DMD: variants seen among roughly 807,000 people sequenced by gnomAD.
DMD encodes the protein mutant dystrophin.
Under a neutral mutation model 330.1 loss-of-function variants are expected in DMD, and 63 were observed. The ratio of observed to expected loss-of-function variants is 0.19; its 90% CI spans 0.16 to 0.24. The LOEUF (loss-of-function observed/expected upper bound fraction) is 0.24. Ranked by LOEUF, DMD falls within the 10% of genes least tolerant of loss-of-function variation. DMD has a pLI of 1.00. For missense variants in DMD, 3,344 were observed against 2,684.1 expected, an observed-to-expected ratio of 1.25 and a Z score of -5.43; for synonymous variants, 1,223 against 959.8, an observed-to-expected ratio of 1.27 and a Z score of -5.07.
intron 27 of DMD, among the ~76,000 whole-genome samples, chrX:32,447,752 T>A (rs1474206967): frequency 1.8e-5 from 2 of 111,830 alleles, no homozygotes; most frequent in Non-Finnish European, 3.8e-5. Context: ...TGGATAAAGT[T>A]TTGTGCCCCT....
chrX:33,155,419 G>A (rs1289572310), intron 1 of DMD, among the ~76,000 whole-genome samples: 3 of 108,853 alleles, frequency 2.8e-5, no homozygotes, highest in Non-Finnish European at 1.9e-5. Context: ...AGATTCAAGC[G>A]ATTCTCCTGC....
Position 31,658,046 on chromosome X carries a change from T to C in DMD, c.7971A>G (p.Arg2657=). Residue 2657 remains arginine, a synonymous_variant, in exon 54 of 79, where the codon AGA becomes AGG. Transcript: ENST00000357033. ...TATTCTCTGTTATCATGTGGACTTT[T>C]CTGGTATCATCTGCAGAATAATCCC... ...LLRDYSADDT[R]KVHMITENIN... 1.7e-6 allele frequency: 2 copies of C among 1,210,841 alleles called. No homozygotes were observed. Among genetic ancestry groups the C allele is most frequent in the Non-Finnish European group, 2.2e-6 (2 of 894,548 alleles).
chrX:32,733,221 A>AAT (rs1198303492), intron 7 of DMD, among the ~76,000 whole-genome samples: 1 of 111,463 alleles, frequency 9.0e-6, no homozygotes, highest in Non-Finnish European at 1.9e-5. Context: ...AACTATCCTA[A>AAT]ATATATATGC....
chrX:31,406,753 C>T (rs187270661), intron 60 of DMD, among the ~76,000 whole-genome samples: 231 of 111,320 alleles, frequency 2.1e-3, no homozygotes, highest in Middle Eastern at 4.6e-3. Context: ...AGAATTGGAT[C>T]TGTCCAATTG....
intron 13 of DMD, among the ~76,000 whole-genome samples, chrX:32,593,687 A>T (rs997229156): frequency 4.5e-5 from 5 of 112,219 alleles, no homozygotes; most frequent in Non-Finnish European, 9.4e-5. Context: ...CATAACGAGT[A>T]CTTGTTGAAA....
intron 2 of DMD, among the ~76,000 whole-genome samples, chrX:32,975,215 C>A (rs1326980182): frequency 1.8e-5 from 2 of 110,500 alleles, no homozygotes; most frequent in African/African-American, 6.6e-5. Flanking sequence ...CCAATAAACC[C>A]AGCAAAGAAA....
At chrX:31,657,068 C>T (rs1026484333) in intron 54 of DMD, among the ~76,000 whole-genome samples, 1 of 111,924 alleles carries the variant, frequency 8.9e-6, no homozygotes, top group Admixed American at 9.5e-5. Context: ...GTTTTGGCCC[C>T]AGTGGTGACT....
chrX:32,886,607 C>A (rs916346000), intron 2 of DMD, among the ~76,000 whole-genome samples: 1 of 110,218 alleles, frequency 9.1e-6, no homozygotes, highest in Non-Finnish European at 1.9e-5. Flanking sequence ...GGCGTGAACC[C>A]AGGAGGCGAA....
intron 44 of DMD, among the ~76,000 whole-genome samples, chrX:32,083,938 C>A (rs2147925109): frequency 8.9e-6 from 1 of 112,567 alleles, no homozygotes; most frequent in Non-Finnish European, 1.9e-5. Context: ...GTTATGCTTT[C>A]TATCAGACTC....
At chrX:33,007,728 A>G (rs927102900) in intron 2 of DMD, among the ~76,000 whole-genome samples, 1 of 111,633 alleles carries the variant, frequency 9.0e-6, no homozygotes, top group African/African-American at 3.3e-5. Context: ...TGAAATAGAT[A>G]GAGAATGTAG....
intron 2 of DMD, among the ~76,000 whole-genome samples, chrX:32,891,996 C>A (rs1603458951): frequency 9.0e-6 from 1 of 111,604 alleles, no homozygotes; most frequent in Non-Finnish European, 1.9e-5. Flanking sequence ...ATGAAGGCCA[C>A]AGAACCATAA....
intron 1 of DMD, among the ~76,000 whole-genome samples, chrX:33,235,520 C>G (rs1031386674): frequency 1.3e-4 from 14 of 111,862 alleles, no homozygotes; most frequent in African/African-American, 4.2e-4. Context: ...TTTGTTAGTC[C>G]TACACACAAC....
At chrX:32,452,403 A>AGGGAAAGGGAAGGGAAGGGAAAG (rs1211184191) in intron 26 of DMD, among the ~76,000 whole-genome samples, 1 of 8,294 alleles carries the variant, frequency 1.2e-4, no homozygotes, top group Non-Finnish European at 2.9e-4. Context: ...GGGAAGGGAA[A>AGGGAAAGGGAAGGGAAGGGAAAG]GGAAAGGGAA....
intron 7 of DMD, among the ~76,000 whole-genome samples, chrX:32,805,031 A>C (rs747570947): frequency 3.6e-5 from 4 of 112,111 alleles, no homozygotes; most frequent in Non-Finnish European, 7.5e-5. Context: ...AAGGGTGAAA[A>C]TTCCAAAACC....
chrX:32,628,793 C>A (rs945683422), intron 11 of DMD, among the ~76,000 whole-genome samples: 2 of 111,653 alleles, frequency 1.8e-5, no homozygotes, highest in African/African-American at 6.5e-5. Context: ...AATTCAAGAG[C>A]ATATTGTTTA....
chrX:32,747,853 G>GA (rs1033356031), intron 7 of DMD, among the ~76,000 whole-genome samples: 1 of 110,884 alleles, frequency 9.0e-6, no homozygotes, highest in Non-Finnish European at 1.9e-5. Flanking sequence ...CACAGCCACA[G>GA]AAAAAATTAG....
At chrX:32,879,021 A>AAAAAAAAAAAAAAAAAAAAAAAAAAAAAC (rs1352069437) in intron 2 of DMD, among the ~76,000 whole-genome samples, 15 of 101,736 alleles carry the variant, frequency 1.5e-4, no homozygotes, top group East Asian at 3.2e-4. Flanking sequence ...AAAAAAACAA[A>AAAAAAAAAAAAAAAAAAAAAAAAAAAAAC]AAACAAAAAA....
chrX:32,265,106 T>G (rs1383548454), intron 43 of DMD, among the ~76,000 whole-genome samples: 1 of 112,347 alleles, frequency 8.9e-6, no homozygotes, highest in Non-Finnish European at 1.9e-5. Flanking sequence ...GAAGTTTTCA[T>G]GGCAGCCCCT....
At chrX:31,349,180 G>A (rs2058258485) in intron 60 of DMD, among the ~76,000 whole-genome samples, 1 of 112,789 alleles carries the variant, frequency 8.9e-6, no homozygotes, top group Non-Finnish European at 1.9e-5. Context: ...AGTGACTCAT[G>A]CCTGTAATCC....
Sources: allele counts gnomAD v4.1 joint callset (sites outside exome capture counted in the v4.1 genomes callset), GRCh38; gene constraint gnomAD v4.1.1; transcripts MANE v1.5; gene names NCBI Gene and HGNC (gene_info 2026-07-23, HGNC 2026-07-21).